Variants in PEX14 observed in about 807,000 individuals in gnomAD.
The protein encoded by PEX14 is peroxisomal membrane protein PEX14.
A neutral mutation model predicts 49.5 loss-of-function variants in PEX14; 15 were observed. That is an observed-to-expected ratio of 0.30 (90% CI 0.20 to 0.47). The LOEUF (loss-of-function observed/expected upper bound fraction) is 0.47. PEX14 is among the 20% of genes least tolerant of loss of function. The pLI, the probability that PEX14 is intolerant of heterozygous loss-of-function variation, is 1.00. For synonymous variants in PEX14, 210 were observed against 212.7 expected, an observed-to-expected ratio of 0.99 and a Z score of 0.11; for missense variants, 398 against 494.8, an observed-to-expected ratio of 0.80 and a Z score of 1.86.
Position 10,597,682 on chromosome 1 carries a change from C to T in PEX14, c.170-1556C>T, listed in dbSNP as rs1640868072. Among the ~76,000 whole-genome samples, 1 of 152,218 alleles carries T rather than the reference C, an allele frequency of 6.6e-6. No homozygotes were observed. The highest frequency in any genetic ancestry group is 2.4e-5 in the African/African-American group (1 of 41,450). ...TGGTGCTATCAGGGCAACCCGGTGG[C>T]TCTTCAGACTTCCCAGTGGTGAGGC... On this transcript the variant is annotated intron_variant, in intron 3 of 8. Transcript: ENST00000356607. This position sits in a 1 kb window ranked among gnomAD's most constrained non-coding sequence, Gnocchi z 5.7.
rs567004608 is a variant in PEX14, at chr1:10,610,610, C to G, written c.299-7722C>G. Among the ~76,000 whole-genome samples the G allele has an allele frequency of 2.0e-5, 3 of 152,044 alleles. No individual in the cohort carries two copies. In the South Asian group the frequency reaches 6.2e-4, roughly 32 times the overall value. On this transcript the variant is annotated intron_variant, in intron 4 of 8. Transcript: ENST00000356607. ...AAGTGATTCTCCTGCCTCAGCCTCC[C>G]GAGTAGCTGGGATTATAGGCATGCG...
chr1:10,476,521 G>A (rs1026084158), intron 1 of PEX14, among the ~76,000 whole-genome samples: 3 of 152,152 alleles, frequency 2.0e-5, no homozygotes, highest in African/African-American at 7.2e-5. Flanking sequence ...TCTTTCTTAA[G>A]ACGGAGTCTC....
At chr1:10,581,454 C>T (rs181440019) in intron 3 of PEX14, among the ~76,000 whole-genome samples, 81 of 151,576 alleles carry the variant, frequency 5.3e-4, no homozygotes, top group African/African-American at 1.8e-3. Context: ...TACAGGCGCC[C>T]GCCACCATAC....
At chr1:10,603,722 C>T (rs886514148) in intron 4 of PEX14, among the ~76,000 whole-genome samples, 2 of 152,110 alleles carry the variant, frequency 1.3e-5, no homozygotes, top group African/African-American at 4.8e-5. Flanking sequence ...GATTTGTCTT[C>T]GTCCTCCCAG....
intron 4 of PEX14, among the ~76,000 whole-genome samples, chr1:10,617,392 C>T (rs1175520634): frequency 2.0e-5 from 3 of 152,146 alleles, no homozygotes; most frequent in Non-Finnish European, 4.4e-5. Flanking sequence ...TTCACATCCC[C>T]CAGTAATTCC....
At chr1:10,548,716 T>G (rs1450187525) in intron 3 of PEX14, among the ~76,000 whole-genome samples, 1 of 152,226 alleles carries the variant, frequency 6.6e-6, no homozygotes, top group East Asian at 1.9e-4. Flanking sequence ...CACAGCTTGG[T>G]CTTCTTTCCG....
At chr1:10,621,729 A>G (rs1170258614) in intron 5 of PEX14, among the ~76,000 whole-genome samples, 1 of 152,186 alleles carries the variant, frequency 6.6e-6, no homozygotes, top group Admixed American at 6.5e-5. Flanking sequence ...GTTGTGGGTA[A>G]TAGCTCACAC....
At chr1:10,554,309 A>AAG (rs1639424311) in intron 3 of PEX14, among the ~76,000 whole-genome samples, 1 of 151,360 alleles carries the variant, frequency 6.6e-6, no homozygotes, top group Admixed American at 6.6e-5. Flanking sequence ...GTCTCAAAAA[A>AAG]AAAAAAAAAA....
intron 3 of PEX14, among the ~76,000 whole-genome samples, chr1:10,586,569 C>CTAT (rs1640493420): frequency 6.7e-6 from 1 of 149,202 alleles, no homozygotes. Flanking sequence ...TGAACTGTGG[C>CTAT]TATGTGTAAC....
rs572028093 is a variant in PEX14 at position 10,629,669 on chromosome 1, G to A, written c.816G>A (p.Thr272=). 43 of 1,613,688 alleles carry A rather than the reference G, an allele frequency of 2.7e-5. No homozygotes were observed. The highest frequency in any genetic ancestry group is 8.8e-5 in the South Asian group (8 of 91,046). Residue 272 remains threonine, a synonymous_variant, in exon 9 of 9, where the codon ACG becomes ACA. Transcript: ENST00000356607. This position sits in a 1 kb window ranked among gnomAD's most constrained non-coding sequence, Gnocchi z 8.5. ...TCTCACCTGTCAGCAACGAGTCCAC[G>A]TCGTCCTCGCCTGGGAAGGAGGGCC... ...SDISPVSNES[T]SSSPGKEGHS... is the part of the protein sequence containing the mutation.
In PEX14 at chr1:10,495,179, C is replaced by G; in HGVS notation, c.37-95C>G. 6.4e-7 allele frequency: 1 copy of G among 1,568,880 alleles called. No individual in the cohort carries two copies. Among genetic ancestry groups the G allele is most frequent in the Non-Finnish European group, 8.7e-7 (1 of 1,144,016 alleles). On this transcript the variant is annotated intron_variant, in intron 1 of 8. Coordinates refer to ENST00000356607, the MANE Select transcript of PEX14 (RefSeq NM_004565.3). The surrounding 1 kb of genome is among the most constrained non-coding windows in gnomAD (Gnocchi z 4.2). ...CAGTGAGAGATGTGAGAAAGAGGTG[C>G]CAGCGTGCATCGTTTGAGAACGGAA...
At chr1:10,550,893 T>G (rs1219022340) in intron 3 of PEX14, among the ~76,000 whole-genome samples, 1 of 152,192 alleles carries the variant, frequency 6.6e-6, no homozygotes, top group Non-Finnish European at 1.5e-5. Context: ...TTTCAGTAAT[T>G]ATTTTGCTAC....
intron 2 of PEX14, among the ~76,000 whole-genome samples, chr1:10,520,153 T>TTTTTTTTTGTTTTTTG (rs1553185428): frequency 2.2e-5 from 2 of 91,914 alleles, no homozygotes; most frequent in Non-Finnish European, 4.7e-5. Context: ...TTCTTCTTTT[T>TTTTTTTTTGTTTTTTG]TTTTTTTTTG....
rs1641336060 is a variant in PEX14 at position 10,613,719 on chromosome 1, C to T, written c.299-4613C>T. Among the ~76,000 whole-genome samples the T allele has an allele frequency of 6.6e-6, 1 of 152,166 alleles. No individual in the cohort carries two copies. The highest frequency in any genetic ancestry group is 2.4e-5 in the African/African-American group (1 of 41,446). On this transcript the variant is annotated intron_variant, in intron 4 of 8. Coordinates refer to ENST00000356607, the MANE Select transcript of PEX14 (RefSeq NM_004565.3). This position sits in a 1 kb window ranked among gnomAD's most constrained non-coding sequence, Gnocchi z 5.0. ...ATTCTTTGGGGCTCACAAAGCCCTG[C>T]CACCTTCAGTCAGTGCTTGATAAGA...
intron 3 of PEX14, among the ~76,000 whole-genome samples, chr1:10,586,020 A>C (rs1009097872): frequency 2.0e-5 from 3 of 152,260 alleles, no homozygotes; most frequent in Non-Finnish European, 4.4e-5. Flanking sequence ...AATATACGTA[A>C]AGCAAAACTG....
chr1:10,506,667 C>T (rs1641788801), intron 2 of PEX14, among the ~76,000 whole-genome samples: 1 of 152,240 alleles, frequency 6.6e-6, no homozygotes, highest in South Asian at 2.1e-4. Context: ...AAAAACATTG[C>T]TGTCAAATTA....
intron 3 of PEX14, among the ~76,000 whole-genome samples, chr1:10,585,854 C>T (rs1640469421): frequency 6.6e-6 from 1 of 152,156 alleles, no homozygotes; most frequent in Non-Finnish European, 1.5e-5. Flanking sequence ...GGAGATCACG[C>T]CACTGCACTC....
In PEX14 at chr1:10,629,697, A is replaced by G. The variant is rs765496163; in HGVS notation, c.844A>G (p.Ser282Gly). ...GTCCTCGCCTGGGAAGGAGGGCCAC[A>G]GCCCCGAGGGCTCCACGGTCACCTA... ...TSSSPGKEGHSPEGSTVTYHL... is the reference protein window; with the variant it reads ...TSSSPGKEGHGPEGSTVTYHL... The change falls in exon 9 of 9, where the codon AGC (serine) becomes GGC (glycine). Residue 282 changes from serine to glycine, a missense_variant. By Grantham distance (56) the Ser-to-Gly change is moderately conservative (BLOSUM62 0). Transcript: ENST00000356607. The surrounding 1 kb of genome is among the most constrained non-coding windows in gnomAD (Gnocchi z 8.5). 1.6e-5 allele frequency: 25 copies of G among 1,612,226 alleles called. No individual in the cohort carries two copies. The highest frequency in any genetic ancestry group is 2.0e-5 in the Non-Finnish European group (23 of 1,179,288).
At chr1:10,564,600 T>C (rs1405742259) in intron 3 of PEX14, among the ~76,000 whole-genome samples, 3 of 147,476 alleles carry the variant, frequency 2.0e-5, no homozygotes, top group Admixed American at 1.4e-4. Flanking sequence ...TCTTTCTTTT[T>C]TTTTTTTTTT....
Sources: gnomAD v4.1 joint callset for allele counts (sites outside exome capture counted in the v4.1 genomes callset) on GRCh38, gnomAD v4.1.1 for gene constraint, Gnocchi (gnomAD v3.1) non-coding constraint, MANE v1.5 for transcripts, NCBI Gene and HGNC (gene_info 2026-07-23, HGNC 2026-07-21) for gene names.